AGBL4: variants seen among roughly 807,000 people sequenced by gnomAD.
AGBL4 encodes AGBL carboxypeptidase 4.
AGBL4 carries 58 observed loss-of-function variants against 66.4 expected under a neutral mutation model. The observed-to-expected ratio is 0.87, with a 90% CI of 0.71 to 1.09. AGBL4 has a LOEUF of 1.09. Among genes scored for constraint, AGBL4 ranks in the 50% least tolerant of loss-of-function variants. The pLI is 0.00. For synonymous variants in AGBL4, 234 were observed against 222.9 expected, an observed-to-expected ratio of 1.05 and a Z score of -0.44; for missense variants, 579 against 631.0, an observed-to-expected ratio of 0.92 and a Z score of 0.88.
intron 2 of AGBL4, among the ~76,000 whole-genome samples, chr1:49,767,023 C>T (rs1023560596): frequency 6.6e-6 from 1 of 152,098 alleles, no homozygotes; most frequent in Non-Finnish European, 1.5e-5. Context: ...CAACACCCCA[C>T]TGAGAGTACT....
chr1:49,701,248 C>T (rs778500542), intron 2 of AGBL4, among the ~76,000 whole-genome samples: 7 of 151,024 alleles, frequency 4.6e-5, no homozygotes, highest in Non-Finnish European at 8.8e-5. Flanking sequence ...GCCAAGATGG[C>T]GCCACTGCAC....
intron 6 of AGBL4, among the ~76,000 whole-genome samples, chr1:48,671,675 C>A (rs1181997938): frequency 6.6e-6 from 1 of 152,204 alleles, no homozygotes; most frequent in Non-Finnish European, 1.5e-5. Flanking sequence ...CTTACAGACA[C>A]TGAGAGGTGA....
chr1:49,557,392 A>T (rs1418239303), intron 3 of AGBL4, among the ~76,000 whole-genome samples: 1 of 152,162 alleles, frequency 6.6e-6, no homozygotes, highest in Non-Finnish European at 1.5e-5. Context: ...AAATAGAAAA[A>T]ATAGTCTTGA....
At chr1:48,599,047 C>T (rs1018907463) in intron 9 of AGBL4, among the ~76,000 whole-genome samples, 3 of 151,972 alleles carry the variant, frequency 2.0e-5, no homozygotes, top group South Asian at 2.1e-4. Context: ...AAACATGAGC[C>T]GAGAGCTACA....
At chr1:49,378,630 G>C (rs1336332093) in intron 3 of AGBL4, among the ~76,000 whole-genome samples, 2 of 152,064 alleles carry the variant, frequency 1.3e-5, no homozygotes, top group Admixed American at 6.6e-5. Flanking sequence ...AGAATAAGAA[G>C]GAAGGAGCAA....
At chr1:49,596,394 C>T (rs1644854452) in intron 3 of AGBL4, among the ~76,000 whole-genome samples, 1 of 152,130 alleles carries the variant, frequency 6.6e-6, no homozygotes, top group Non-Finnish European at 1.5e-5. Flanking sequence ...TGGTCTCAAA[C>T]TCCTGGCCTC....
At chr1:49,920,018 G>A (rs1052586487) in intron 1 of AGBL4, among the ~76,000 whole-genome samples, 18 of 152,134 alleles carry the variant, frequency 1.2e-4, no homozygotes, top group Non-Finnish European at 2.5e-4. Flanking sequence ...AATGGTGCTG[G>A]GAAAACTGGC....
intron 3 of AGBL4, among the ~76,000 whole-genome samples, chr1:49,345,741 T>G (rs577186338): frequency 6.5e-4 from 99 of 152,206 alleles, no homozygotes; most frequent in Non-Finnish European, 1.1e-3. Context: ...TATTTCTTTC[T>G]CTCTGCCTGA....
chr1:49,842,871 G>C lies in AGBL4; in HGVS notation c.157+8525C>G, dbSNP rs190028199. 2.2e-3 allele frequency among the ~76,000 whole-genome samples: 340 copies of C among 152,314 alleles called. 1 individual carries two copies. The highest frequency in any genetic ancestry group is 3.2e-3 in the Non-Finnish European group (217 of 68,022). ...GAAACAGCAGGTGCAAAGGCCTGAAGTGATGCATCAGTCAGTTCTCGCATA... is the reference window on the plus strand; with the variant it reads ...GAAACAGCAGGTGCAAAGGCCTGAACTGATGCATCAGTCAGTTCTCGCATA... On this transcript the variant is annotated intron_variant, in intron 2 of 13. Transcript: ENST00000371839.
At chr1:49,769,777 A>T (rs1234499308) in intron 2 of AGBL4, among the ~76,000 whole-genome samples, 1 of 152,220 alleles carries the variant, frequency 6.6e-6, no homozygotes, top group African/African-American at 2.4e-5. Context: ...AATGAAACTG[A>T]TCCCTACCTA....
chr1:48,562,046 T>C (rs1644404211), intron 11 of AGBL4, among the ~76,000 whole-genome samples: 1 of 152,220 alleles, frequency 6.6e-6, no homozygotes, highest in Non-Finnish European at 1.5e-5. Flanking sequence ...GATATTGACA[T>C]AGATATTCTA....
chr1:49,403,965 G>C (rs1277839905), intron 3 of AGBL4, among the ~76,000 whole-genome samples: 2 of 152,042 alleles, frequency 1.3e-5, no homozygotes, highest in Admixed American at 6.5e-5. Context: ...ACTCTCCCCT[G>C]TCTCCCTCCC....
At position 49,600,384 on chromosome 1, in the gene AGBL4, T is replaced by G. The variant is rs558427467; in HGVS notation, c.282+96929A>C. Among the ~76,000 whole-genome samples the G allele has an allele frequency of 5.3e-5, 8 of 152,310 alleles. No individual in the cohort carries two copies. In the South Asian group the frequency reaches 1.7e-3, roughly 32 times the overall value. On this transcript the variant is annotated intron_variant, in intron 3 of 13. Coordinates refer to ENST00000371839, the MANE Select transcript of AGBL4 (RefSeq NM_032785.4). ...GTGTAATGCCCTTCTTTGTCTCTTTTGATCTTTGTTGGTTTAAAGTCTGTT... is the reference window on the plus strand; with the variant it reads ...GTGTAATGCCCTTCTTTGTCTCTTTGGATCTTTGTTGGTTTAAAGTCTGTT...
At chr1:48,749,330 T>C (rs1651286947) in intron 6 of AGBL4, among the ~76,000 whole-genome samples, 1 of 152,172 alleles carries the variant, frequency 6.6e-6, no homozygotes, top group African/African-American at 2.4e-5. Flanking sequence ...GGGATGTTCC[T>C]GCTATATCCC....
intron 3 of AGBL4, among the ~76,000 whole-genome samples, chr1:49,659,031 T>G (rs1027473149): frequency 6.6e-6 from 1 of 151,286 alleles, no homozygotes. Flanking sequence ...AGAAAAAAAA[T>G]TTTCAACCTA....
chr1:49,320,020 C>T (rs1645104479), intron 3 of AGBL4, among the ~76,000 whole-genome samples: 1 of 152,066 alleles, frequency 6.6e-6, no homozygotes, highest in Non-Finnish European at 1.5e-5. Context: ...ACAGCCTCAA[C>T]CTCTGGGCTC....
intron 3 of AGBL4, among the ~76,000 whole-genome samples, chr1:49,570,493 T>C (rs1209225036): frequency 1.3e-5 from 2 of 152,126 alleles, no homozygotes; most frequent in Middle Eastern, 3.2e-3. Flanking sequence ...GTATTAATCC[T>C]CTGTTAGATG....
chr1:48,820,481 A>G (rs946705743), intron 6 of AGBL4, among the ~76,000 whole-genome samples: 4 of 152,198 alleles, frequency 2.6e-5, no homozygotes, highest in Non-Finnish European at 5.9e-5. Flanking sequence ...AGTAAAGCAG[A>G]TTGCCCTCCG....
At chr1:49,723,313 G>A (rs1648750616) in intron 2 of AGBL4, among the ~76,000 whole-genome samples, 1 of 152,008 alleles carries the variant, frequency 6.6e-6, no homozygotes, top group Non-Finnish European at 1.5e-5. Flanking sequence ...ACAAACTCCT[G>A]AAAGGTCTTC....
Sources: gnomAD v4.1 joint callset for allele counts (sites outside exome capture counted in the v4.1 genomes callset) on GRCh38, gnomAD v4.1.1 for gene constraint, MANE v1.5 for transcripts, NCBI Gene and HGNC (gene_info 2026-07-23, HGNC 2026-07-21) for gene names.